Variants in MECOM observed in about 807,000 individuals in gnomAD.
MECOM encodes the protein MDS1 and EVI1 complex locus, also known as histone-lysine N-methyltransferase MECOM.
In MECOM, 13 loss-of-function variants were observed where a neutral mutation model predicts 116.3. The ratio of observed to expected loss-of-function variants is 0.11; its 90% CI spans 0.07 to 0.18. The LOEUF (loss-of-function observed/expected upper bound fraction) is 0.18, where lower values mean the gene tolerates loss of function less well. Among genes scored for constraint, MECOM ranks in the 10% least tolerant of loss-of-function variants. The pLI, the probability that MECOM is intolerant of heterozygous loss-of-function variation, is 1.00. For missense variants in MECOM, 1,299 were observed against 1,509.0 expected (o/e 0.86, Z 2.31); for synonymous variants, 528 against 535.2 (o/e 0.99, Z 0.19).
intron 1 of MECOM, among the ~76,000 whole-genome samples, chr3:169,461,043 C>A (rs1747354789): frequency 6.6e-6 from 1 of 152,076 alleles, no homozygotes; most frequent in African/African-American, 2.4e-5. Context: ...ACACCAGCTC[C>A]TAGAGAAAAC....
intron 2 of MECOM, among the ~76,000 whole-genome samples, chr3:169,164,974 A>G (rs970585956): frequency 1.3e-5 from 2 of 152,172 alleles, no homozygotes; most frequent in African/African-American, 4.8e-5. Context: ...ATTCCTAGTA[A>G]AGTTCCCTGA....
At chr3:169,637,861 A>C (rs1379750202) in intron 1 of MECOM, among the ~76,000 whole-genome samples, 1 of 152,260 alleles carries the variant, frequency 6.6e-6, no homozygotes, top group Non-Finnish European at 1.5e-5. Flanking sequence ...CACACAGTGC[A>C]AGGTAATGAG....
intron 1 of MECOM, among the ~76,000 whole-genome samples, chr3:169,499,798 T>C (rs1042888911): frequency 1.3e-5 from 2 of 152,086 alleles, no homozygotes; most frequent in African/African-American, 4.8e-5. Context: ...AAAGTCCTTG[T>C]CTTCCTAGGG....
intron 1 of MECOM, among the ~76,000 whole-genome samples, chr3:169,525,479 A>T (rs1187028591): frequency 6.6e-6 from 1 of 152,226 alleles, no homozygotes; most frequent in South Asian, 2.1e-4. Flanking sequence ...CTATTTTTTC[A>T]TACTGAGAGT....
intron 2 of MECOM, among the ~76,000 whole-genome samples, chr3:169,239,861 T>G (rs1024861200): frequency 5.3e-5 from 8 of 152,176 alleles, no homozygotes; most frequent in African/African-American, 1.9e-4. Context: ...TGTGTTGATA[T>G]AACAAAGCCC....
chr3:169,155,447 A>C lies in MECOM; in HGVS notation c.376-11615T>G, dbSNP rs1018171578. ...GTTAAACTGTTTCTACAGGGTGCTC[A>C]TTTTCCCACTGGCACTGGTCTAGTG... is the stretch of plus-strand genomic sequence containing the variant. On this transcript the variant is annotated intron_variant, in intron 2 of 16. Transcript: ENST00000651503. Among the ~76,000 whole-genome samples the C allele has an allele frequency of 3.9e-5, 6 of 151,996 alleles. No individual in the cohort carries two copies. The East Asian group carries it at 1.2e-3, about 29-fold the overall frequency.
At chr3:169,110,433 A>G (rs1218124523) in intron 9 of MECOM, among the ~76,000 whole-genome samples, 1 of 144,038 alleles carries the variant, frequency 6.9e-6, no homozygotes, top group Non-Finnish European at 1.6e-5. Context: ...TGGGAAGGGT[A>G]AGACTTGATG....
intron 11 of MECOM, 75 bp from the exon 12 acceptor site, chr3:169,101,037 A>G (rs1276558398): frequency 2.1e-6 from 2 of 974,316 alleles, no homozygotes; most frequent in Non-Finnish European, 3.1e-6. Flanking sequence ...CAGCAGCCAG[A>G]TGCTTATTCC....
At chr3:169,281,096 T>C (rs2149677946) in intron 2 of MECOM, among the ~76,000 whole-genome samples, 1 of 152,194 alleles carries the variant, frequency 6.6e-6, no homozygotes, top group Non-Finnish European at 1.5e-5. Flanking sequence ...AATTATGATG[T>C]AGAATGTTGC....
intron 1 of MECOM, among the ~76,000 whole-genome samples, chr3:169,659,710 C>T (rs946331602): frequency 2.6e-5 from 4 of 151,888 alleles, no homozygotes; most frequent in Admixed American, 6.6e-5. Flanking sequence ...TGAAGGAAAA[C>T]CCAAGTAGGT....
intron 3 of MECOM, among the ~76,000 whole-genome samples, chr3:169,135,763 G>T (rs1457658210): frequency 2.0e-5 from 3 of 151,684 alleles, no homozygotes; most frequent in African/African-American, 7.3e-5. Flanking sequence ...TTGTGCCTTT[G>T]TAAGTATGAA....
chr3:169,477,095 GTGTGTGTGTGTATATATATATATA>G (rs1402265012), intron 1 of MECOM: 4 of 49,172 alleles, frequency 8.1e-5, no homozygotes, highest in African/African-American at 3.0e-4. Flanking sequence ...GTGTGTGTGT[GTGTGTGTGTGTATATATATATATA>G]TATATATATA....
chr3:169,108,478 G>C (rs1440972958), intron 9 of MECOM, among the ~76,000 whole-genome samples: 1 of 152,144 alleles, frequency 6.6e-6, no homozygotes, highest in African/African-American at 2.4e-5. Context: ...GAACAGTTAA[G>C]AACGTTAATG....
intron 2 of MECOM, among the ~76,000 whole-genome samples, chr3:169,217,489 AAAAT>A (rs1751558488): frequency 6.6e-6 from 1 of 152,196 alleles, no homozygotes; most frequent in South Asian, 2.1e-4. Context: ...GAAATGTTTA[AAAAT>A]AAATAAATAG....
At chr3:169,338,442 A>G (rs1320074924) in intron 2 of MECOM, among the ~76,000 whole-genome samples, 1 of 152,128 alleles carries the variant, frequency 6.6e-6, no homozygotes, top group Non-Finnish European at 1.5e-5. Context: ...CTGTGCCCCA[A>G]ATATCTGGAA....
intron 3 of MECOM, 150 bp downstream of exon 3, chr3:169,143,548 C>T (rs1738770273): frequency 1.5e-6 from 1 of 653,038 alleles, no homozygotes; most frequent in South Asian, 4.4e-5. Context: ...TGAATTTGTT[C>T]TGCATTTTAC....
intron 1 of MECOM, among the ~76,000 whole-genome samples, chr3:169,576,816 CACACACACACACACACACACACAG>C (rs1764550433): frequency 7.5e-6 from 1 of 133,038 alleles, no homozygotes; most frequent in South Asian, 2.4e-4. Flanking sequence ...CACACACACA[CACACACACACACACACACACACAG>C]AGAGAGAGAG....
chr3:169,629,201 A>T (rs987840979), intron 1 of MECOM, among the ~76,000 whole-genome samples: 2 of 149,874 alleles, frequency 1.3e-5, no homozygotes, highest in Non-Finnish European at 2.9e-5. Flanking sequence ...TGGTATATTT[A>T]TGATGTTTAC....
At chr3:169,643,275 T>G (rs933983650) in intron 1 of MECOM, among the ~76,000 whole-genome samples, 2 of 152,230 alleles carry the variant, frequency 1.3e-5, no homozygotes, top group African/African-American at 4.8e-5. Context: ...ACATCAGTCA[T>G]CAATCTGATT....
Sources: gnomAD v4.1 joint callset for allele counts (sites outside exome capture counted in the v4.1 genomes callset) on GRCh38, gnomAD v4.1.1 for gene constraint, MANE v1.5 for transcripts, NCBI Gene and HGNC (gene_info 2026-07-23, HGNC 2026-07-21) for gene names.